The following NBEA variants were observed in gnomAD, a reference collection of about 807,000 sequenced individuals.
The protein encoded by NBEA is neurobeachin, also known as lysosomal-trafficking regulator 2.
A neutral mutation model predicts 343.4 loss-of-function variants in NBEA; 44 were observed. That is an observed-to-expected ratio of 0.13 (90% confidence interval 0.10 to 0.16). NBEA has a LOEUF of 0.16. Ranked by LOEUF, NBEA falls within the 10% of genes least tolerant of loss-of-function variation. The pLI, the probability that NBEA is intolerant of heterozygous loss-of-function variation, is 1.00. For synonymous variants in NBEA, 1,175 were observed against 1,238.7 expected, an observed-to-expected ratio of 0.95 and a Z score of 1.08; for missense variants, 2,555 against 3,631.3, an observed-to-expected ratio of 0.70 and a Z score of 7.62.
At chr13:35,373,438 G>T (rs1045816566) in intron 38 of NBEA, among the ~76,000 whole-genome samples, 4 of 152,148 alleles carry the variant, frequency 2.6e-5, no homozygotes, top group African/African-American at 9.7e-5. Flanking sequence ...AGGCACGGTG[G>T]CTTACACCTG....
intron 58 of NBEA, among the ~76,000 whole-genome samples, chr13:35,670,198 T>G (rs544499457): frequency 6.6e-6 from 1 of 152,280 alleles, no homozygotes; most frequent in African/African-American, 2.4e-5. Context: ...AAACCTGAGT[T>G]CAGTCAGTGG....
chr13:35,047,380 A>G (rs1057178085), intron 4 of NBEA, among the ~76,000 whole-genome samples: 1 of 152,024 alleles, frequency 6.6e-6, no homozygotes, highest in Non-Finnish European at 1.5e-5. Flanking sequence ...GCTTGCTACA[A>G]TAAGAGTTAT....
In NBEA at chr13:35,564,850, C is replaced by T. The variant is rs79977326; in HGVS notation, c.6923-2055C>T. On this transcript the variant is annotated intron_variant, in intron 44 of 58. Transcript: ENST00000379939. ...GATAATGTTCTGCAGTTTTCCTTTA[C>T]TTGACTTATATTTGTTCATCTTCTG... is the stretch of plus-strand genomic sequence containing the variant. 4.7e-3 allele frequency among the ~76,000 whole-genome samples: 718 copies of T among 152,316 alleles called. 4 individuals carry two copies. Among genetic ancestry groups the T allele is most frequent in the African/African-American group, 0.016 (672 of 41,578 alleles).
chr13:35,319,330 A>C (rs546397542), intron 36 of NBEA, among the ~76,000 whole-genome samples: 1 of 152,090 alleles, frequency 6.6e-6, no homozygotes, highest in Non-Finnish European at 1.5e-5. Context: ...AGAATTATTT[A>C]TTTCAGCCTT....
At chr13:35,557,970 A>G (rs1390015238) in intron 44 of NBEA, among the ~76,000 whole-genome samples, 1 of 152,192 alleles carries the variant, frequency 6.6e-6, no homozygotes, top group Non-Finnish European at 1.5e-5. Context: ...GAGCCAGATT[A>G]TAAAGAGGCT....
rs1020462038 is a variant in NBEA, at chr13:35,153,224, A to C, written c.2446-2550A>C. Among the ~76,000 whole-genome samples the C allele has an allele frequency of 7.2e-5, 11 of 151,824 alleles. No homozygotes were observed. The East Asian group carries it at 2.1e-3, about 30-fold the overall frequency. On this transcript the variant is annotated intron_variant, in intron 18 of 58. Transcript: ENST00000379939. ...ATTTTTTGTATTTTTTAGTAGAGAC[A>C]GGGTTTCACCGTGTTAGCCAGGATG...
Position 35,566,906 on chromosome 13 carries a change from A to T in NBEA, c.6924A>T (p.Gly2308=). 1 of 1,562,850 alleles carries T rather than the reference A, an allele frequency of 6.4e-7. No individual in the cohort carries two copies. Among genetic ancestry groups the T allele is most frequent in the South Asian group, 1.2e-5 (1 of 86,352 alleles). The change falls in exon 45 of 59, where the codon GGA becomes GGT. Residue 2308 remains glycine, a splice_region_variant and synonymous_variant. Transcript: ENST00000379939. ...TTTATTTCTGTTTTTCTTTACTAGG[A>T]CGGACATATAATGATCTGAACCAAT... The part of the protein sequence containing the change: ...EYLMFLNTIA[G]RTYNDLNQYP...
At chr13:35,612,294 G>A (rs1303677707) in intron 48 of NBEA, among the ~76,000 whole-genome samples, 1 of 151,812 alleles carries the variant, frequency 6.6e-6, no homozygotes, top group African/African-American at 2.4e-5. Context: ...CACCACGCCC[G>A]GCTAATTTTT....
intron 1 of NBEA, among the ~76,000 whole-genome samples, chr13:34,944,493 C>T (rs1420294701): frequency 6.6e-6 from 1 of 152,142 alleles, no homozygotes; most frequent in East Asian, 1.9e-4. Flanking sequence ...AAACAAAACA[C>T]CTCTTTTTAC....
chr13:35,058,996 A>G (rs1299891966), intron 8 of NBEA, 133 bp downstream of exon 8: 5 of 707,882 alleles, frequency 7.1e-6, no homozygotes, highest in Non-Finnish European at 8.4e-6. Context: ...GTCAAGTTTT[A>G]TTATATGTTT....
At chr13:35,119,771 A>C (rs2066692706) in intron 16 of NBEA, among the ~76,000 whole-genome samples, 1 of 152,082 alleles carries the variant, frequency 6.6e-6, no homozygotes, top group African/African-American at 2.4e-5. Flanking sequence ...ATTTTGTTTT[A>C]GTAGAGACGG....
intron 40 of NBEA, among the ~76,000 whole-genome samples, chr13:35,471,207 A>G (rs976152940): frequency 7.2e-5 from 11 of 152,136 alleles, no homozygotes. Context: ...GGCATTGTGC[A>G]GGACGGTCGC....
chr13:35,326,806 G>A (rs1299244080), intron 36 of NBEA, among the ~76,000 whole-genome samples: 1 of 151,908 alleles, frequency 6.6e-6, no homozygotes, highest in Non-Finnish European at 1.5e-5. Flanking sequence ...GTTAAACTAA[G>A]AGCTCCAGCA....
chr13:35,088,230 T>C (rs2064873907), intron 10 of NBEA, among the ~76,000 whole-genome samples: 1 of 151,938 alleles, frequency 6.6e-6, no homozygotes, highest in Admixed American at 6.6e-5. Flanking sequence ...GTTTGTTCTT[T>C]TGAATCTCCC....
intron 12 of NBEA, among the ~76,000 whole-genome samples, chr13:35,110,596 C>T (rs2066153043): frequency 6.6e-6 from 1 of 151,824 alleles, no homozygotes; most frequent in South Asian, 2.1e-4. Context: ...TGTTGGACTA[C>T]CTCTATTATG....
intron 33 of NBEA, among the ~76,000 whole-genome samples, chr13:35,218,455 G>A (rs1467943758): frequency 1.3e-5 from 2 of 151,892 alleles, no homozygotes; most frequent in South Asian, 2.1e-4. Flanking sequence ...AATAATGGGG[G>A]AGTTTTTTCT....
At chr13:35,622,859 G>C (rs2083054712) in intron 48 of NBEA, among the ~76,000 whole-genome samples, 2 of 151,936 alleles carry the variant, frequency 1.3e-5, no homozygotes, top group Non-Finnish European at 2.9e-5. Context: ...AGTTAAATTT[G>C]GTAGTCTACT....
chr13:35,581,884 T>TAAAAAAAAAAAAAAGAAAAAAA (rs2081060379), intron 45 of NBEA, among the ~76,000 whole-genome samples: 1 of 110,484 alleles, frequency 9.1e-6, no homozygotes, highest in African/African-American at 3.8e-5. Flanking sequence ...AAAGTATAAT[T>TAAAAAAAAAAAAAAGAAAAAAA]AAAAAAAAAA....
Position 35,070,067 on chromosome 13 carries a change from T to C in NBEA, c.1399T>C (p.Ser467Pro), listed in dbSNP as rs1456081880. The change falls in exon 9 of 59, where the codon TCA becomes CCA. Residue 467 changes from serine to proline, a missense_variant. Transcript: ENST00000379939. ...CLESSPKENASIFVHSPHALM... is the reference protein window; with the variant it reads ...CLESSPKENAPIFVHSPHALM... Reference sequence around the variant, plus strand: ...GGAATCATCACCAAAAGAGAATGCATCAATTTTTGTGCATTCCCCACATGC... The same window carrying C: ...GGAATCATCACCAAAAGAGAATGCACCAATTTTTGTGCATTCCCCACATGC... The C allele has an allele frequency of 6.3e-7, 1 of 1,599,692 alleles. No homozygotes were observed. Among genetic ancestry groups the C allele is most frequent in the Non-Finnish European group, 8.5e-7 (1 of 1,173,044 alleles).
Sources: gnomAD v4.1 joint callset for allele counts (sites outside exome capture counted in the v4.1 genomes callset) on GRCh38, gnomAD v4.1.1 for gene constraint, MANE v1.5 for transcripts, NCBI Gene and HGNC (gene_info 2026-07-23, HGNC 2026-07-21) for gene names.